The following SNX9 variants were observed in gnomAD, a reference collection of about 807,000 sequenced individuals.
SNX9 encodes the protein sorting nexin-9.
Under a neutral mutation model 89.4 loss-of-function variants are expected in SNX9, and 44 were observed. The observed-to-expected ratio is 0.49, with a 90% CI of 0.39 to 0.63. SNX9 has a LOEUF of 0.63. SNX9 is among the 30% of genes least tolerant of loss of function. The pLI, the probability that SNX9 is intolerant of heterozygous loss-of-function variation, is 0.00. For synonymous variants in SNX9, 236 were observed against 247.8 expected (o/e 0.95, Z 0.45); for missense variants, 578 against 736.1 (o/e 0.79, Z 2.49).
At chr6:157,864,329 A>G (rs991563438) in intron 1 of SNX9, among the ~76,000 whole-genome samples, 2 of 152,102 alleles carry the variant, frequency 1.3e-5, no homozygotes, top group Admixed American at 6.5e-5. Context: ...GCACCTCCCA[A>G]TACCACTGCC....
In SNX9 at chr6:157,928,718, A is replaced by T; in HGVS notation, c.1288+16A>T. 1 of 1,567,162 alleles carries T rather than the reference A, an allele frequency of 6.4e-7. No individual in the cohort carries two copies. Among genetic ancestry groups the T allele is most frequent in the Non-Finnish European group, 8.7e-7 (1 of 1,155,832 alleles). ...TGCACGGGCCGTAAGTCCACTCCTCACAGTGCACTGGGCTCGTAGGGGGTG... is the reference window on the plus strand; with the variant it reads ...TGCACGGGCCGTAAGTCCACTCCTCTCAGTGCACTGGGCTCGTAGGGGGTG... On this transcript the variant is annotated intron_variant, in intron 12 of 17. Transcript: ENST00000392185.
rs866658799 is a variant in SNX9 at position 157,942,893 on chromosome 6, G to A, written c.*55G>A. On this transcript the variant is annotated 3_prime_UTR_variant, in exon 18 of 18. Coordinates refer to ENST00000392185, the MANE Select transcript of SNX9 (RefSeq NM_016224.5). The stretch of plus-strand genomic sequence containing the variant: ...GTGCTTTCTCCTGACTTGGGGCAAT[G>A]CAATTCAAAACTTTTTTTCCCCTAT... 75 of 1,523,084 alleles carry A rather than the reference G, an allele frequency of 4.9e-5. 2 individuals are homozygous for A. In the Middle Eastern group the frequency reaches 0.012, roughly 250 times the overall value. 94.3% of individuals were successfully genotyped at this position (1,523,084 alleles called of 1,614,324 possible). A position where few individuals can be genotyped will look rare whatever the true frequency, so the allele number is the denominator to read the frequency against.
chr6:157,903,918 G>T lies in SNX9; in HGVS notation c.620+1873G>T, dbSNP rs370749686. On this transcript the variant is annotated intron_variant, in intron 6 of 17. Coordinates refer to ENST00000392185, the MANE Select transcript of SNX9 (RefSeq NM_016224.5). ...GAACCTGTGCCTCTGAGGCATCTCT[G>T]TCTCTCTGTAGTGCTGTGAACGATT... is the stretch of plus-strand genomic sequence containing the variant. Among the ~76,000 whole-genome samples, 27 of 152,170 alleles carry T rather than the reference G, an allele frequency of 1.8e-4. 1 individual carries two copies. The highest frequency in any genetic ancestry group is 8.5e-4 in the Admixed American group (13 of 15,274).
intron 7 of SNX9, among the ~76,000 whole-genome samples, chr6:157,906,549 A>G (rs1783221021): frequency 6.6e-6 from 1 of 152,132 alleles, no homozygotes; most frequent in South Asian, 2.1e-4. Flanking sequence ...TCAAATATTT[A>G]TGTTTCTTCC....
chr6:157,894,465 TAAAAAAA>T (rs1173887333), intron 4 of SNX9, among the ~76,000 whole-genome samples: 1 of 100,732 alleles, frequency 9.9e-6, no homozygotes, highest in African/African-American at 3.9e-5. Context: ...ATTTAAATGT[TAAAAAAA>T]AAAAAAAAAA....
chr6:157,865,064 G>A (rs1359853505), intron 1 of SNX9, among the ~76,000 whole-genome samples: 2 of 152,098 alleles, frequency 1.3e-5, no homozygotes, highest in Non-Finnish European at 2.9e-5. Flanking sequence ...CCGCAGCCAG[G>A]CATGGTGGCT....
chr6:157,938,056 CT>C (rs998653536), intron 15 of SNX9, among the ~76,000 whole-genome samples: 6 of 152,216 alleles, frequency 3.9e-5, no homozygotes, highest in Admixed American at 1.3e-4. Flanking sequence ...AGAGTTGTTC[CT>C]TCCAGACAGC....
intron 4 of SNX9, chr6:157,885,429 C>T (rs924615710): frequency 6.6e-5 from 10 of 152,080 alleles, no homozygotes; most frequent in Admixed American, 3.3e-4. Flanking sequence ...CAAATTCTTC[C>T]GTATTTTGAG....
intron 1 of SNX9, among the ~76,000 whole-genome samples, chr6:157,838,737 C>T (rs1000657844): frequency 1.3e-5 from 2 of 152,084 alleles, no homozygotes; most frequent in African/African-American, 4.8e-5. Context: ...ATTTAAAGAG[C>T]TCCTATTTTA....
rs1486389818 is a variant in SNX9 at position 157,867,635 on chromosome 6, TAAGAGA to T, written c.99+4_99+9del. The stretch of plus-strand genomic sequence containing the variant: ...GAAATCATCACAATCACAAATCCGG[TAAGAGA>T]ACTGTACATTCGAGTCTGATTGTCC... On this transcript the variant is annotated splice_donor_5th_base_variant and intron_variant, in intron 2 of 17. Transcript: ENST00000392185. The T allele has an allele frequency of 6.2e-7, 1 of 1,608,666 alleles. No individual in the cohort carries two copies. The highest frequency in any genetic ancestry group is 8.5e-7 in the Non-Finnish European group (1 of 1,176,480).
At chr6:157,840,485 T>C (rs1392505516) in intron 1 of SNX9, among the ~76,000 whole-genome samples, 1 of 146,532 alleles carries the variant, frequency 6.8e-6, no homozygotes, top group Admixed American at 6.7e-5. Context: ...TCTCTCTCTC[T>C]CTCTTTCTTT....
At chr6:157,894,465 TAAA>T (rs1173887333) in intron 4 of SNX9, among the ~76,000 whole-genome samples, 3 of 100,694 alleles carry the variant, frequency 3.0e-5, no homozygotes, top group Non-Finnish European at 2.0e-5. Context: ...ATTTAAATGT[TAAA>T]AAAAAAAAAA....
At chr6:157,856,338 C>T (rs1782010525) in intron 1 of SNX9, among the ~76,000 whole-genome samples, 1 of 152,188 alleles carries the variant, frequency 6.6e-6, no homozygotes, top group South Asian at 2.1e-4. Context: ...CTAACCAGCT[C>T]ATAGCCTTAT....
At chr6:157,833,106 T>G (rs978208811) in intron 1 of SNX9, among the ~76,000 whole-genome samples, 2 of 152,198 alleles carry the variant, frequency 1.3e-5, no homozygotes, top group African/African-American at 4.8e-5. Context: ...ATTTAAAATG[T>G]GCGAGTTTAA....
chr6:157,901,789 A>C (rs1260185891), intron 5 of SNX9, 109 bp from the exon 6 acceptor site: 1 of 1,343,772 alleles, frequency 7.4e-7, no homozygotes, highest in Admixed American at 2.6e-5. Context: ...TCCATCAAAA[A>C]AAAATTGATT....
chr6:157,846,227 A>G (rs1241192062), intron 1 of SNX9, among the ~76,000 whole-genome samples: 1 of 152,212 alleles, frequency 6.6e-6, no homozygotes, highest in Non-Finnish European at 1.5e-5. Context: ...AATAAACTTT[A>G]AGTTAGCTCT....
chr6:157,823,413 C>T lies in SNX9; in HGVS notation c.-22C>T. On this transcript the variant is annotated 5_prime_UTR_variant, in exon 1 of 18. Transcript: ENST00000392185. The surrounding 1 kb of genome is among the most constrained non-coding windows in gnomAD (Gnocchi z 4.6). ...GGCGCGGGAGACGAGCCGGCCGTCC[C>T]GGGCCGGGGGACCCGCCCGCCATGG... The T allele has an allele frequency of 1.6e-6, 2 of 1,255,650 alleles. No homozygotes were observed. Among genetic ancestry groups the T allele is most frequent in the Non-Finnish European group, 2.0e-6 (2 of 996,586 alleles). The allele number at this position is 1,255,650 out of a possible 1,614,324, so 77.8% of individuals were successfully genotyped here.
At chr6:157,929,991 T>C (rs555906650) in intron 12 of SNX9, among the ~76,000 whole-genome samples, 2 of 152,128 alleles carry the variant, frequency 1.3e-5, no homozygotes, top group Non-Finnish European at 2.9e-5. Flanking sequence ...TATTTGTATA[T>C]TGTCTTTGGC....
chr6:157,880,565 T>C (rs1258949761), intron 4 of SNX9, among the ~76,000 whole-genome samples: 2 of 152,196 alleles, frequency 1.3e-5, no homozygotes, highest in African/African-American at 4.8e-5. Context: ...TTCCTGACTT[T>C]CCTGTTTCTG....
Sources: allele counts gnomAD v4.1 joint callset (sites outside exome capture counted in the v4.1 genomes callset), GRCh38; gene constraint gnomAD v4.1.1; non-coding constraint Gnocchi (gnomAD v3.1); transcripts MANE v1.5; gene names NCBI Gene and HGNC (gene_info 2026-07-23, HGNC 2026-07-21).